The following OR8B2 variants were observed in gnomAD, a reference collection of about 807,000 sequenced individuals.
OR8B2 encodes the protein olfactory receptor 8B2.
For missense variants in OR8B2, 304 were observed against 379.6 expected (o/e 0.80, Z 1.65); for synonymous variants, 98 against 138.2 (o/e 0.71, Z 2.04).
the OR8B2 span, chr11:124,397,125 A>G: frequency 4.3e-6 from 7 of 1,613,304 alleles, no homozygotes; most frequent in Non-Finnish European, 5.1e-6. Flanking sequence ...GGGAGTGAAA[A>G]CAGAGGAGTA....
the OR8B2 span, chr11:124,396,429 T>C: frequency 1.2e-6 from 2 of 1,600,722 alleles, no homozygotes; most frequent in Non-Finnish European, 1.7e-6. Context: ...ATTTCTTCTC[T>C]GAATTTTAAT....
upstream of OR8B2, among the ~76,000 whole-genome samples, chr11:124,384,997 T>C (rs1591430759): frequency 1.3e-5 from 2 of 152,170 alleles, no homozygotes; most frequent in Non-Finnish European, 2.9e-5. Flanking sequence ...TCCTTTTAAA[T>C]AATCCATTTT....
chr11:124,396,520 T>C, the OR8B2 span: 4 of 1,614,072 alleles, frequency 2.5e-6, no homozygotes, highest in Non-Finnish European at 3.4e-6. Context: ...ACCACATTAG[T>C]GTAGAAAACA....
the OR8B2 span, chr11:124,396,959 C>T: frequency 2.4e-5 from 39 of 1,612,678 alleles, no homozygotes; most frequent in East Asian, 2.9e-4. Context: ...TGACCTTATA[C>T]AGCAATGGAT....
chr11:124,395,965 A>T, the OR8B2 span: 3 of 154,776 alleles, frequency 1.9e-5, no homozygotes, highest in Admixed American at 6.4e-5. Context: ...TAAGCTACCT[A>T]CCATTTGTAA....
At chr11:124,392,796 G>A in the OR8B2 span, among the ~76,000 whole-genome samples, 18,238 of 150,104 alleles carry the variant, frequency 0.12, 1,184 homozygotes, top group South Asian at 0.18. Context: ...AAAAGAGCCC[G>A]CATCACCAAG....
chr11:124,388,735 A>T (rs187399538), upstream of OR8B2, among the ~76,000 whole-genome samples: 1 of 151,970 alleles, frequency 6.6e-6, no homozygotes, highest in Non-Finnish European at 1.5e-5. Flanking sequence ...TGCCCATAGG[A>T]TTCCTCAGTC....
upstream of OR8B2, among the ~76,000 whole-genome samples, chr11:124,387,267 A>T (rs989589911): frequency 9.2e-5 from 14 of 152,114 alleles, no homozygotes; most frequent in Non-Finnish European, 1.5e-4. Context: ...GTTTAATTAG[A>T]TCTCATTTGT....
upstream of OR8B2, among the ~76,000 whole-genome samples, chr11:124,388,390 G>A (rs953571233): frequency 1.3e-4 from 20 of 152,216 alleles, no homozygotes; most frequent in Middle Eastern, 3.4e-3. Flanking sequence ...GATATTGGCC[G>A]TGGGTTTGTT....
chr11:124,384,247 A>T (rs1860657914), intron 1 of OR8B2, 127 bp downstream of exon 1: 1 of 152,238 alleles, frequency 6.6e-6, no homozygotes, highest in African/African-American at 2.4e-5. Flanking sequence ...CAGAGAGAAC[A>T]GTGTGAGAAA....
the OR8B2 span, among the ~76,000 whole-genome samples, chr11:124,392,103 G>A: frequency 8.3e-6 from 1 of 121,212 alleles, no homozygotes; most frequent in Non-Finnish European, 1.6e-5. Context: ...GGTATTGATG[G>A]GACGTATCTC....
the OR8B2 span, chr11:124,396,995 T>A: frequency 6.2e-7 from 1 of 1,613,884 alleles, no homozygotes; most frequent in Non-Finnish European, 8.5e-7. Flanking sequence ...AGCGATCATA[T>A]GCCATTGAGG....
At chr11:124,392,955 C>T in the OR8B2 span, among the ~76,000 whole-genome samples, 7 of 145,724 alleles carry the variant, frequency 4.8e-5, no homozygotes, top group South Asian at 6.8e-4. Flanking sequence ...TCAGAAATAA[C>T]GCCACATATC....
At chr11:124,396,868 AC>A in the OR8B2 span, 1 of 1,608,024 alleles carries the variant, frequency 6.2e-7, no homozygotes, top group African/African-American at 1.3e-5. Flanking sequence ...CTAAGCATGC[AC>A]CCGGTGTGGG....
At chr11:124,387,987 G>T (rs1196387916), upstream of OR8B2, among the ~76,000 whole-genome samples, 239 of 146,886 alleles carry the variant, frequency 1.6e-3, no homozygotes, top group African/African-American at 5.7e-3. Flanking sequence ...CCCTTGTAAG[G>T]TGGATTCCTA....
At chr11:124,384,641 C>T (rs971473249), upstream of OR8B2, among the ~76,000 whole-genome samples, 2 of 152,004 alleles carry the variant, frequency 1.3e-5, no homozygotes, top group South Asian at 2.1e-4. Context: ...CCATGTCCAC[C>T]GTCATAGAGA....
At chr11:124,387,355 A>C (rs1191161197), upstream of OR8B2, among the ~76,000 whole-genome samples, 2 of 152,086 alleles carry the variant, frequency 1.3e-5, no homozygotes, top group African/African-American at 4.8e-5. Flanking sequence ...CTGAATGGTA[A>C]TGCCTAGGTT....
chr11:124,385,701 G>A (rs907926036), upstream of OR8B2, among the ~76,000 whole-genome samples: 5 of 149,262 alleles, frequency 3.3e-5, no homozygotes, highest in Non-Finnish European at 7.4e-5. Flanking sequence ...TGCAATCACA[G>A]CTCACTGCAG....
Position 124,382,888 on chromosome 11 carries a change from TC to T in OR8B2, c.455del (p.Gly152AspfsTer140). 6.2e-7 allele frequency: 1 copy of T among 1,604,752 alleles called. No homozygotes were observed. Among genetic ancestry groups the T allele is most frequent in the Non-Finnish European group, 8.5e-7 (1 of 1,174,310 alleles). ...CGGTGTGGGCCGTGGCTCCAGCCAA[TC>T]CCATTATGTAAGCAGCAAAAGTGAG... is the stretch of plus-strand genomic sequence containing the variant. Reference protein sequence around the residue: ...SMLTFAAYIMGLAGATAHTGC... With the variant: ...SMLTFAAYIMXLAGATAHTGC... On this transcript the variant is annotated frameshift_variant, in exon 2 of 2. Transcript: ENST00000641451. LOFTEE classifies it low-confidence loss of function (END_TRUNC).
Sources: allele counts gnomAD v4.1 joint callset (sites outside exome capture counted in the v4.1 genomes callset), GRCh38; gene constraint gnomAD v4.1.1; transcripts MANE v1.5; gene names NCBI Gene and HGNC (gene_info 2026-07-23, HGNC 2026-07-21).